The following STXBP4 variants were observed in gnomAD, a reference collection of about 807,000 sequenced individuals.
STXBP4 encodes syntaxin-binding protein 4.
STXBP4 carries 55 observed loss-of-function variants against 76.1 expected under a neutral mutation model. That is an observed-to-expected ratio of 0.72 (90% CI 0.58 to 0.91). The LOEUF (loss-of-function observed/expected upper bound fraction) is 0.91, where lower values mean the gene tolerates loss of function less well. STXBP4 is among the 40% of genes least tolerant of loss of function. STXBP4 has a pLI of 0.00. For missense variants in STXBP4, 618 were observed against 636.9 expected (o/e 0.97, Z 0.32); for synonymous variants, 201 against 220.2 (o/e 0.91, Z 0.77).
intron 12 of STXBP4, among the ~76,000 whole-genome samples, chr17:55,068,926 T>C (rs1049950680): frequency 2.6e-5 from 4 of 152,070 alleles, no homozygotes; most frequent in Non-Finnish European, 4.4e-5. Context: ...GTACTGTATG[T>C]GGAAAAACAC....
chr17:55,103,936 A>G (rs144815034), intron 16 of STXBP4, among the ~76,000 whole-genome samples: 50 of 152,124 alleles, frequency 3.3e-4, no homozygotes, highest in African/African-American at 1.1e-3. Context: ...TTTGTCTATT[A>G]TTGGTGTATA....
At chr17:55,003,145 T>C (rs1450126451) in intron 7 of STXBP4, among the ~76,000 whole-genome samples, 1 of 152,096 alleles carries the variant, frequency 6.6e-6, no homozygotes, top group Admixed American at 6.6e-5. Context: ...TCGTTTCAAG[T>C]TAAGGAAGCA....
intron 1 of STXBP4, among the ~76,000 whole-genome samples, chr17:54,982,191 T>C (rs995632823): frequency 2.6e-5 from 4 of 152,192 alleles, no homozygotes; most frequent in Non-Finnish European, 5.9e-5. Flanking sequence ...CCTTTTATTT[T>C]CTCTATTTTT....
intron 12 of STXBP4, among the ~76,000 whole-genome samples, chr17:55,053,072 G>A (rs2078881340): frequency 6.6e-6 from 1 of 151,660 alleles, no homozygotes; most frequent in South Asian, 2.1e-4. Context: ...ACTCCAGACT[G>A]GATCCTCTAC....
chr17:55,129,501 G>A (rs1212890846), intron 16 of STXBP4, among the ~76,000 whole-genome samples: 4 of 152,156 alleles, frequency 2.6e-5, no homozygotes, highest in Non-Finnish European at 4.4e-5. Context: ...CTTGAGGCAG[G>A]AAGATCCCTT....
chr17:55,180,826 CAA>C, the STXBP4 span, among the ~76,000 whole-genome samples: 1 of 152,172 alleles, frequency 6.6e-6, no homozygotes, highest in Admixed American at 6.5e-5. Context: ...AGACTTAAGA[CAA>C]GAGGAAAGAC....
At chr17:55,038,118 A>G (rs1036285418) in intron 10 of STXBP4, among the ~76,000 whole-genome samples, 6 of 152,072 alleles carry the variant, frequency 3.9e-5, no homozygotes, top group Non-Finnish European at 5.9e-5. Context: ...TCTTTTATTC[A>G]TGTTTTCTTT....
chr17:54,999,799 C>T lies in STXBP4; in HGVS notation c.455C>T (p.Ser152Leu). The change falls in exon 6 of 18, where the codon TCA (serine) becomes TTA (leucine). Residue 152 changes from serine to leucine, a missense_variant. Physicochemically the swap from Ser to Leu is moderately radical, Grantham distance 145. Transcript: ENST00000376352. Reference protein sequence around the residue: ...SPPEILIPKTSSTPKTNNDIL... With the variant: ...SPPEILIPKTLSTPKTNNDIL... ...CCTGAAATACTAATCCCAAAGACCTCATCCACTCCCAAAACAAATAATGAC... is the reference window on the plus strand; with the variant it reads ...CCTGAAATACTAATCCCAAAGACCTTATCCACTCCCAAAACAAATAATGAC... The T allele has an allele frequency of 6.2e-7, 1 of 1,613,376 alleles. No individual in the cohort carries two copies. The highest frequency in any genetic ancestry group is 8.5e-7 in the Non-Finnish European group (1 of 1,179,612).
the STXBP4 span, among the ~76,000 whole-genome samples, chr17:55,200,538 C>G: frequency 2.6e-5 from 4 of 152,282 alleles, no homozygotes; most frequent in East Asian, 5.8e-4. Context: ...AAAGTAAATT[C>G]AGAGTTTCTG....
intron 16 of STXBP4, among the ~76,000 whole-genome samples, chr17:55,111,992 T>G (rs916579499): frequency 3.9e-5 from 6 of 152,144 alleles, no homozygotes; most frequent in Non-Finnish European, 8.8e-5. Context: ...CATAGCTCAC[T>G]GCAGTTTCGA....
intron 16 of STXBP4, among the ~76,000 whole-genome samples, chr17:55,122,600 T>C (rs1453401602): frequency 6.6e-6 from 1 of 152,220 alleles, no homozygotes; most frequent in Non-Finnish European, 1.5e-5. Flanking sequence ...TATTTAAAAA[T>C]GAATTCAGAT....
At chr17:55,024,227 CTG>C in intron 8 of STXBP4, among the ~76,000 whole-genome samples, 1 of 152,312 alleles carries the variant, frequency 6.6e-6, no homozygotes, top group South Asian at 2.1e-4. Flanking sequence ...TTTGGCAAAA[CTG>C]AACCTGCTCA....
rs2080415805 is a variant in STXBP4, at chr17:55,173,171, AAAGTTT to A, written c.*13262_*13267del. ...GTTTTGTCATTGAGTTGTTATAGTT[AAAGTTT>A]ATTATTTTTTAATGCAGAAAAAAGT... On this transcript the variant is annotated 3_prime_UTR_variant, in exon 18 of 18. Coordinates refer to ENST00000376352, the MANE Select transcript of STXBP4 (RefSeq NM_178509.6). 6.6e-6 allele frequency: 1 copy of A among 152,168 alleles called. No individual in the cohort carries two copies. Among genetic ancestry groups the A allele is most frequent in the Non-Finnish European group, 1.5e-5 (1 of 68,028 alleles). 9.4% of individuals were successfully genotyped at this position (152,168 alleles called of 1,614,324 possible).
chr17:55,142,648 G>A (rs2080107289), intron 17 of STXBP4, among the ~76,000 whole-genome samples: 1 of 152,010 alleles, frequency 6.6e-6, no homozygotes, highest in Non-Finnish European at 1.5e-5. Flanking sequence ...AAAAAAACCT[G>A]AACAATCATA....
At chr17:55,043,552 G>A in intron 11 of STXBP4, 1 of 1,404,918 alleles carries the variant, frequency 7.1e-7, no homozygotes, top group Admixed American at 2.0e-5. Flanking sequence ...TGTGAACAAT[G>A]GTTTTTGCTC....
At chr17:55,082,288 A>G (rs1398670734) in intron 16 of STXBP4, among the ~76,000 whole-genome samples, 1 of 152,206 alleles carries the variant, frequency 6.6e-6, no homozygotes, top group Non-Finnish European at 1.5e-5. Context: ...GCATGAGCAG[A>G]TTGTCATCAG....
rs545643387 is a variant in STXBP4 at position 55,157,440 on chromosome 17, G to A, written c.1548-2357G>A. ...CCTTGAAATGAAGTTAACCTGTGCC[G>A]AATCAAATACTTTAGTAAATTTAGC... On this transcript the variant is annotated intron_variant, in intron 17 of 17. Transcript: ENST00000376352. 8.6e-4 allele frequency among the ~76,000 whole-genome samples: 131 copies of A among 152,196 alleles called. No homozygotes were observed. In the Middle Eastern group the frequency reaches 0.01, roughly 12 times the overall value.
intron 8 of STXBP4, among the ~76,000 whole-genome samples, chr17:55,013,212 C>T (rs2078144121): frequency 6.6e-6 from 1 of 152,220 alleles, no homozygotes; most frequent in Non-Finnish European, 1.5e-5. Flanking sequence ...AAGCTTGTCC[C>T]TTGGACCTGT....
chr17:55,082,201 C>G (rs1034690458), intron 16 of STXBP4, among the ~76,000 whole-genome samples: 2 of 152,120 alleles, frequency 1.3e-5, no homozygotes, highest in African/African-American at 2.4e-5. Context: ...ATGCCTGCAC[C>G]TAAACAGAGA....
Sources: allele counts gnomAD v4.1 joint callset (sites outside exome capture counted in the v4.1 genomes callset), GRCh38; gene constraint gnomAD v4.1.1; transcripts MANE v1.5; gene names NCBI Gene and HGNC (gene_info 2026-07-23, HGNC 2026-07-21).